Variants in DYNC2H1 observed in about 807,000 individuals in gnomAD.
DYNC2H1 encodes the protein dynein cytoplasmic 2 heavy chain 1, also known as cytoplasmic dynein 2 heavy chain 1.
DYNC2H1 carries 410 observed loss-of-function variants against 570.0 expected under a neutral mutation model. That is an observed-to-expected ratio of 0.72 (90% CI 0.66 to 0.78). The LOEUF is 0.78. Among genes scored for constraint, DYNC2H1 ranks in the 30% least tolerant of loss-of-function variants. DYNC2H1 has a pLI of 0.00. For missense variants in DYNC2H1, 4,865 were observed against 5,046.4 expected (o/e 0.96, Z 1.09); for synonymous variants, 1,688 against 1,677.6 (o/e 1.01, Z -0.15).
chr11:103,186,466 C>G lies in DYNC2H1; in HGVS notation c.6858C>G (p.Pro2286=), dbSNP rs369270276. 30 of 1,611,790 alleles carry G rather than the reference C, an allele frequency of 1.9e-5. No homozygotes were observed. Among genetic ancestry groups the G allele is most frequent in the African/African-American group, 4.0e-5 (3 of 74,798 alleles). Reference sequence around the variant, plus strand: ...GGTTAAGTTCTGATACTAAACAGCCCTTTATTCTGGTAGGACCAGAAGGAT... The same window carrying G: ...GGTTAAGTTCTGATACTAAACAGCCGTTTATTCTGGTAGGACCAGAAGGAT... The part of the protein sequence containing the change: ...KPWLSSDTKQ[P]FILVGPEGCG... The change falls in exon 42 of 89, where the codon CCC becomes CCG. Residue 2286 remains proline, a synonymous_variant. Transcript: ENST00000375735. This position sits in a 1 kb window ranked among gnomAD's most constrained non-coding sequence, Gnocchi z 4.5.
At chr11:103,139,878 G>T (rs1859806050) in intron 17 of DYNC2H1, among the ~76,000 whole-genome samples, 1 of 152,152 alleles carries the variant, frequency 6.6e-6, no homozygotes, top group South Asian at 2.1e-4. Context: ...CTCAGGACTT[G>T]CTTTATGAAT....
intron 84 of DYNC2H1, among the ~76,000 whole-genome samples, chr11:103,400,153 C>A (rs73599087): frequency 7.9e-5 from 12 of 152,158 alleles, no homozygotes; most frequent in Admixed American, 7.9e-4. Context: ...CACTTTGGGG[C>A]AGGTCCCCTA....
At chr11:103,117,208 T>TAC (rs1454765572) in intron 5 of DYNC2H1, among the ~76,000 whole-genome samples, 3 of 146,252 alleles carry the variant, frequency 2.1e-5, no homozygotes, top group African/African-American at 7.4e-5. Flanking sequence ...GGAAATTGTA[T>TAC]ATATATATAT....
At chr11:103,459,239 G>T (rs1944909056) in intron 87 of DYNC2H1, among the ~76,000 whole-genome samples, 1 of 144,372 alleles carries the variant, frequency 6.9e-6, no homozygotes. Context: ...AACCCGGGAG[G>T]CGGAGCTTGC....
intron 36 of DYNC2H1, among the ~76,000 whole-genome samples, chr11:103,175,911 A>G (rs929435257): frequency 1.3e-5 from 2 of 152,306 alleles, no homozygotes; most frequent in South Asian, 4.1e-4. Flanking sequence ...AGGGTTGTTA[A>G]AAGGATTACA....
At chr11:103,208,117 C>G (rs757847157) in intron 52 of DYNC2H1, among the ~76,000 whole-genome samples, 1 of 151,988 alleles carries the variant, frequency 6.6e-6, no homozygotes, top group Non-Finnish European at 1.5e-5. Flanking sequence ...ATTACAAAAT[C>G]TCATGATTTG....
intron 84 of DYNC2H1, among the ~76,000 whole-genome samples, chr11:103,411,423 T>A (rs1164523766): frequency 6.6e-6 from 1 of 151,922 alleles, no homozygotes. Flanking sequence ...GAAAATTATA[T>A]CAATCGAGGG....
At chr11:103,279,911 T>G (rs1475580634) in intron 70 of DYNC2H1, among the ~76,000 whole-genome samples, 2 of 152,206 alleles carry the variant, frequency 1.3e-5, no homozygotes, top group African/African-American at 4.8e-5. Context: ...ATTTAGGAAA[T>G]TAATCTATCT....
chr11:103,149,197 T>A (rs1860402777), intron 20 of DYNC2H1, among the ~76,000 whole-genome samples: 1 of 152,238 alleles, frequency 6.6e-6, no homozygotes, highest in South Asian at 2.1e-4. Flanking sequence ...TAAACTTAAA[T>A]AATTCATACT....
At chr11:103,237,475 G>T (rs138880634) in intron 63 of DYNC2H1, among the ~76,000 whole-genome samples, 355 of 152,034 alleles carry the variant, frequency 2.3e-3, no homozygotes, top group South Asian at 6.8e-3. Context: ...GTAACTTACC[G>T]GTAGAGAAGT....
intron 17 of DYNC2H1, among the ~76,000 whole-genome samples, chr11:103,141,160 T>G (rs1269976532): frequency 6.6e-6 from 1 of 152,224 alleles, no homozygotes; most frequent in Non-Finnish European, 1.5e-5. Context: ...AATATCCTCC[T>G]GTAGCTCAGA....
At position 103,304,846 on chromosome 11, in the gene DYNC2H1, A is replaced by C. The variant is rs3758863; in HGVS notation, c.11382+126A>C. On this transcript the variant is annotated intron_variant, in intron 77 of 88. Transcript: ENST00000375735. ...AAAAAGTAATATTTGAGAAATTTTA[A>C]ATTTAAATATTTCATAAATATGTAC... is the stretch of plus-strand genomic sequence containing the variant. 0.12 allele frequency: 124,856 copies of C among 1,015,584 alleles called. 8,564 individuals carry two copies. The highest frequency in any genetic ancestry group is 0.24 in the Admixed American group (6,629 of 27,066). 62.9% of individuals were successfully genotyped at this position (1,015,584 alleles called of 1,614,324 possible). A position where few individuals can be genotyped will look rare whatever the true frequency, so the allele number is the denominator to read the frequency against.
chr11:103,359,584 T>C (rs1940530501), intron 83 of DYNC2H1, among the ~76,000 whole-genome samples: 1 of 152,170 alleles, frequency 6.6e-6, no homozygotes, highest in Non-Finnish European at 1.5e-5. Context: ...TGTAGATTAT[T>C]TGCCTCCTGT....
Position 103,176,225 on chromosome 11 carries a change from T to G in DYNC2H1, c.5675-10T>G, listed in dbSNP as rs770082193. 5.6e-5 allele frequency: 82 copies of G among 1,464,760 alleles called. No homozygotes were observed. The highest frequency in any genetic ancestry group is 7.2e-5 in the Non-Finnish European group (80 of 1,115,286). 90.7% of individuals were successfully genotyped at this position (1,464,760 alleles called of 1,614,324 possible). On this transcript the variant is annotated splice_polypyrimidine_tract_variant and intron_variant, in intron 36 of 88. Coordinates refer to ENST00000375735, the MANE Select transcript of DYNC2H1 (RefSeq NM_001377.3). Reference sequence around the variant, plus strand: ...ATAATAAATAATTTTAAAATGAAACTTTTTTCTAGCTAATGAAAGTCATAT... The same window carrying G: ...ATAATAAATAATTTTAAAATGAAACGTTTTTCTAGCTAATGAAAGTCATAT...
At chr11:103,321,760 T>G (rs1367978838) in intron 81 of DYNC2H1, among the ~76,000 whole-genome samples, 1 of 152,140 alleles carries the variant, frequency 6.6e-6, no homozygotes, top group African/African-American at 2.4e-5. Context: ...CATGAAAGCC[T>G]CCTAGAATGT....
chr11:103,293,928 T>G (rs189790903), intron 75 of DYNC2H1, among the ~76,000 whole-genome samples: 69 of 152,058 alleles, frequency 4.5e-4, no homozygotes, highest in Middle Eastern at 3.4e-3. Flanking sequence ...AACACAAAAA[T>G]TAGCCAGGCA....
At chr11:103,311,439 T>A (rs142370286) in intron 78 of DYNC2H1, among the ~76,000 whole-genome samples, 168 of 152,296 alleles carry the variant, frequency 1.1e-3, no homozygotes, top group African/African-American at 3.9e-3. Context: ...GGAACGTTAG[T>A]TGACATTCTA....
intron 47 of DYNC2H1, among the ~76,000 whole-genome samples, chr11:103,195,840 C>G (rs1028297424): frequency 1.3e-5 from 2 of 152,114 alleles, no homozygotes; most frequent in African/African-American, 4.8e-5. Context: ...TTTCAGCATT[C>G]AAGTATTATA....
intron 65 of DYNC2H1, among the ~76,000 whole-genome samples, chr11:103,251,787 C>T (rs1454477183): frequency 1.3e-5 from 2 of 152,080 alleles, no homozygotes; most frequent in African/African-American, 2.4e-5. Context: ...CTGTGTCTGG[C>T]CTACTTTACT....
Sources: gnomAD v4.1 joint callset for allele counts (sites outside exome capture counted in the v4.1 genomes callset) on GRCh38, gnomAD v4.1.1 for gene constraint, Gnocchi (gnomAD v3.1) non-coding constraint, MANE v1.5 for transcripts, NCBI Gene and HGNC (gene_info 2026-07-23, HGNC 2026-07-21) for gene names.